The following THSD7B variants were observed in gnomAD, a reference collection of about 807,000 sequenced individuals.
THSD7B encodes thrombospondin type 1 domain containing 7B.
THSD7B carries 138 observed loss-of-function variants against 213.6 expected under a neutral mutation model. That is an observed-to-expected ratio of 0.65 (90% CI 0.56 to 0.74). The LOEUF (loss-of-function observed/expected upper bound fraction) is 0.74. THSD7B is among the 30% of genes least tolerant of loss of function. The probability of loss-of-function intolerance (pLI) is 0.00; values close to 1 mark genes in which losing one functional copy is unlikely to be tolerated. For missense variants in THSD7B, 1,931 were observed against 1,991.5 expected (o/e 0.97, Z 0.58); for synonymous variants, 742 against 687.0 (o/e 1.08, Z -1.25).
chr2:137,473,574 A>C (rs1688134484), intron 15 of THSD7B, among the ~76,000 whole-genome samples: 1 of 152,198 alleles, frequency 6.6e-6, no homozygotes, highest in Non-Finnish European at 1.5e-5. Context: ...AAACCTTAGT[A>C]TGTAGCAGAA....
At chr2:137,177,482 C>G (rs971461780) in intron 7 of THSD7B, among the ~76,000 whole-genome samples, 1 of 152,140 alleles carries the variant, frequency 6.6e-6, no homozygotes, top group Non-Finnish European at 1.5e-5. Flanking sequence ...CTTGTTTCTT[C>G]TAGATCAGTG....
At chr2:137,565,477 C>A (rs1573712866) in intron 16 of THSD7B, among the ~76,000 whole-genome samples, 1 of 152,236 alleles carries the variant, frequency 6.6e-6, no homozygotes, top group African/African-American at 2.4e-5. Flanking sequence ...CCCACGACAA[C>A]AAACTCACTT....
chr2:137,560,987 A>G (rs1681105769), intron 15 of THSD7B, among the ~76,000 whole-genome samples: 1 of 152,162 alleles, frequency 6.6e-6, no homozygotes, highest in Non-Finnish European at 1.5e-5. Flanking sequence ...TGTCAGCTAG[A>G]ATGAACAGCA....
chr2:137,455,946 G>T lies in THSD7B; in HGVS notation c.3138+4923G>T, dbSNP rs547362485. 1.2e-3 allele frequency among the ~76,000 whole-genome samples: 184 copies of T among 152,272 alleles called. 1 individual carries two copies. Among genetic ancestry groups the T allele is most frequent in the African/African-American group, 3.3e-3 (138 of 41,568 alleles). On this transcript the variant is annotated intron_variant, in intron 15 of 27. Coordinates refer to ENST00000409968, the MANE Select transcript of THSD7B (RefSeq NM_001316349.2). Reference sequence around the variant, plus strand: ...GTTCTTCACATGGTGGAAACCAACAGAGTTCCAGACAACTATATATTTTGT... The same window carrying T: ...GTTCTTCACATGGTGGAAACCAACATAGTTCCAGACAACTATATATTTTGT...
intron 2 of THSD7B, among the ~76,000 whole-genome samples, chr2:136,919,161 C>T (rs1248297827): frequency 6.6e-6 from 1 of 152,222 alleles, no homozygotes; most frequent in East Asian, 1.9e-4. Flanking sequence ...TAATTGGCAA[C>T]TCAGTAGCTT....
chr2:137,398,933 G>GCCAT (rs1171089523), intron 12 of THSD7B, among the ~76,000 whole-genome samples: 1 of 152,186 alleles, frequency 6.6e-6, no homozygotes, highest in Non-Finnish European at 1.5e-5. Flanking sequence ...TTTTCCAGGT[G>GCCAT]CTGTCCGTTA....
intron 17 of THSD7B, among the ~76,000 whole-genome samples, chr2:137,587,297 C>T (rs939995400): frequency 4.6e-5 from 7 of 152,160 alleles, no homozygotes; most frequent in African/African-American, 1.7e-4. Flanking sequence ...TCCTTTAGCT[C>T]GGAGAAGTTT....
chr2:137,567,702 GAGC>G (rs1432176137), intron 16 of THSD7B, among the ~76,000 whole-genome samples: 1 of 152,176 alleles, frequency 6.6e-6, no homozygotes, highest in Non-Finnish European at 1.5e-5. Flanking sequence ...GGTGTGGCCT[GAGC>G]AACGTTAGGA....
chr2:137,171,475 AC>A (rs1277984165), intron 7 of THSD7B, among the ~76,000 whole-genome samples: 1 of 152,322 alleles, frequency 6.6e-6, no homozygotes, highest in Admixed American at 6.5e-5. Context: ...GATTTACAAA[AC>A]TATTAACAAT....
rs1344134272 is a variant in THSD7B, at chr2:137,537,656, G to A, written c.3139-25565G>A. 2.0e-5 allele frequency among the ~76,000 whole-genome samples: 3 copies of A among 151,732 alleles called. No homozygotes were observed. In the East Asian group the frequency reaches 5.8e-4, roughly 30 times the overall value. On this transcript the variant is annotated intron_variant, in intron 15 of 27. Transcript: ENST00000409968. ...ACTATTATTCTGTTCATTAAGATTT[G>A]TGGTCTATTACATAAAAGAGTAAAA...
intron 15 of THSD7B, among the ~76,000 whole-genome samples, chr2:137,553,385 A>G (rs567088227): frequency 6.6e-6 from 1 of 152,246 alleles, no homozygotes; most frequent in African/African-American, 2.4e-5. Flanking sequence ...CCCGCTTCCA[A>G]GTTTATGGCA....
At chr2:137,131,583 C>T (rs946300335) in intron 5 of THSD7B, among the ~76,000 whole-genome samples, 1 of 152,198 alleles carries the variant, frequency 6.6e-6, no homozygotes, top group African/African-American at 2.4e-5. Flanking sequence ...GATCAAGTTT[C>T]AGCTTTCTAC....
At chr2:137,572,275 T>C (rs1681369393) in intron 16 of THSD7B, 131 bp from the exon 17 acceptor site, 2 of 1,107,682 alleles carry the variant, frequency 1.8e-6, no homozygotes, top group Admixed American at 5.2e-5. Context: ...GAAAGTTTTG[T>C]TCCCCTTGGT....
At chr2:137,286,292 G>T (rs1372639041) in intron 12 of THSD7B, among the ~76,000 whole-genome samples, 1 of 151,960 alleles carries the variant, frequency 6.6e-6, no homozygotes, top group Non-Finnish European at 1.5e-5. Context: ...ATGGAGAGAA[G>T]GTTAAAGATA....
chr2:137,484,004 G>A (rs906403273), intron 15 of THSD7B, among the ~76,000 whole-genome samples: 1 of 151,070 alleles, frequency 6.6e-6, no homozygotes, highest in African/African-American at 2.4e-5. Context: ...TGCTCGGTTT[G>A]AGGTTTCTTT....
At chr2:137,237,313 A>G (rs1681787563) in intron 9 of THSD7B, among the ~76,000 whole-genome samples, 1 of 152,224 alleles carries the variant, frequency 6.6e-6, no homozygotes, top group South Asian at 2.1e-4. Context: ...GGGGCCATGT[A>G]TGCTTACTAG....
chr2:137,173,236 G>T (rs147480251), intron 7 of THSD7B, among the ~76,000 whole-genome samples: 1 of 152,096 alleles, frequency 6.6e-6, no homozygotes, highest in South Asian at 2.1e-4. Flanking sequence ...AGAATTGGTC[G>T]AAGAGCATTC....
chr2:136,907,106 G>A (rs1243298131), intron 2 of THSD7B, among the ~76,000 whole-genome samples: 1 of 151,602 alleles, frequency 6.6e-6, no homozygotes, highest in Non-Finnish European at 1.5e-5. Flanking sequence ...CACCATGCCT[G>A]GCTAATTTTT....
At chr2:137,282,039 A>G (rs1162492113) in intron 12 of THSD7B, among the ~76,000 whole-genome samples, 1 of 151,856 alleles carries the variant, frequency 6.6e-6, no homozygotes, top group Non-Finnish European at 1.5e-5. Context: ...AAGTGTTCCT[A>G]TTTCTCCACA....
Sources: gnomAD v4.1 joint callset for allele counts (sites outside exome capture counted in the v4.1 genomes callset) on GRCh38, gnomAD v4.1.1 for gene constraint, MANE v1.5 for transcripts, NCBI Gene and HGNC (gene_info 2026-07-23, HGNC 2026-07-21) for gene names.